PRH1: variants seen among roughly 807,000 people sequenced by gnomAD.
PRH1 encodes the protein salivary acidic proline-rich phosphoprotein 1/2.
A neutral mutation model predicts 7.9 loss-of-function variants in PRH1; 7 were observed. That is an observed-to-expected ratio of 0.89 (90% CI 0.50 to 1.67). The LOEUF (loss-of-function observed/expected upper bound fraction) is 1.67. PRH1 is among the 40% of genes most tolerant of loss of function. PRH1 has a pLI of 0.00. For missense variants in PRH1, 109 were observed against 223.6 expected, an observed-to-expected ratio of 0.49 and a Z score of 3.27; for synonymous variants, 45 against 80.8, an observed-to-expected ratio of 0.56 and a Z score of 2.38.
At chr12:10,885,768 T>A (rs567580784), upstream of PRH1, among the ~76,000 whole-genome samples, 11 of 152,336 alleles carry the variant, frequency 7.2e-5, no homozygotes, top group African/African-American at 2.4e-4. Flanking sequence ...TGTGCATGGT[T>A]AGTCTTTATT....
intron 1 of PRH1, among the ~76,000 whole-genome samples, chr12:11,130,829 T>C (rs1283437823): frequency 6.6e-6 from 1 of 152,104 alleles, no homozygotes; most frequent in African/African-American, 2.4e-5. Flanking sequence ...CAAGCCCCTA[T>C]AAGCACAAAA....
At chr12:11,033,527 C>T (rs940348931) in intron 1 of PRH1, among the ~76,000 whole-genome samples, 7 of 152,046 alleles carry the variant, frequency 4.6e-5, no homozygotes, top group African/African-American at 1.7e-4. Context: ...ATATGTACAA[C>T]CTTGTTGTGT....
chr12:10,938,426 A>G, intron 2 of PRH1: 1 of 1,614,098 alleles, frequency 6.2e-7, no homozygotes, highest in Non-Finnish European at 8.5e-7. Context: ...AAGAATAATT[A>G]GATTTTCCTC....
chr12:10,958,451 T>C (rs1386780242), intron 2 of PRH1, among the ~76,000 whole-genome samples: 1 of 152,066 alleles, frequency 6.6e-6, no homozygotes, highest in Non-Finnish European at 1.5e-5. Context: ...ACCTATCAGG[T>C]ACTCTGCTTC....
chr12:11,041,914 A>G (rs1442276309), intron 1 of PRH1, among the ~76,000 whole-genome samples: 3 of 152,184 alleles, frequency 2.0e-5, no homozygotes, highest in African/African-American at 7.2e-5. Context: ...GGAAATGGAA[A>G]ATTGCTAGAA....
intron 1 of PRH1, chr12:11,031,368 C>T: frequency 6.2e-7 from 1 of 1,601,330 alleles, no homozygotes; most frequent in Non-Finnish European, 8.5e-7. Context: ...TGTTTTAATG[C>T]TGGTGTTGTG....
intron 2 of PRH1, among the ~76,000 whole-genome samples, chr12:10,920,071 G>A (rs1950025448): frequency 6.6e-6 from 1 of 151,598 alleles, no homozygotes; most frequent in Non-Finnish European, 1.5e-5. Context: ...CTTTTTTGAT[G>A]CTTTTAGAGA....
At chr12:10,997,549 C>T (rs1159637028) in intron 1 of PRH1, 1 of 1,614,050 alleles carries the variant, frequency 6.2e-7, no homozygotes, top group Non-Finnish European at 8.5e-7. Context: ...AATTGACGAT[C>T]TTGAGCAAAT....
intron 1 of PRH1, among the ~76,000 whole-genome samples, chr12:11,088,483 G>C (rs1256776589): frequency 3.8e-5 from 4 of 105,780 alleles, no homozygotes; most frequent in African/African-American, 1.3e-4. Context: ...AAGATTCAGG[G>C]ACCTACAGCA....
intron 2 of PRH1, among the ~76,000 whole-genome samples, chr12:10,921,771 T>C (rs1404168964): frequency 1.3e-5 from 2 of 152,202 alleles, no homozygotes; most frequent in African/African-American, 4.8e-5. Context: ...GGATTTTTGT[T>C]TGTTTAGTTT....
chr12:10,967,218 C>T (rs1410272239), intron 2 of PRH1, among the ~76,000 whole-genome samples: 1 of 151,620 alleles, frequency 6.6e-6, no homozygotes, highest in African/African-American at 2.4e-5. Flanking sequence ...AAATAAAGTT[C>T]CCACTTCAAC....
chr12:11,062,383 G>A, intron 1 of PRH1: 4 of 1,371,736 alleles, frequency 2.9e-6, no homozygotes, highest in South Asian at 1.6e-5. Flanking sequence ...AATTCTATAT[G>A]CACCTGATTT....
At chr12:10,922,366 C>T (rs1315487603) in intron 2 of PRH1, among the ~76,000 whole-genome samples, 2 of 152,086 alleles carry the variant, frequency 1.3e-5, no homozygotes, top group African/African-American at 4.8e-5. Context: ...AAAGCTTTTT[C>T]GTTGCTGAGT....
chr12:10,948,340 T>C (rs1231156588), intron 2 of PRH1, among the ~76,000 whole-genome samples: 1 of 152,250 alleles, frequency 6.6e-6, no homozygotes, highest in Non-Finnish European at 1.5e-5. Flanking sequence ...ATGCTTTTTC[T>C]TTATTTTTGT....
chr12:10,932,553 T>C (rs1458673718), intron 2 of PRH1, among the ~76,000 whole-genome samples: 14 of 152,212 alleles, frequency 9.2e-5, no homozygotes, highest in Non-Finnish European at 1.5e-5. Flanking sequence ...TTCCTGATAG[T>C]CTAGTCAGCT....
At chr12:11,021,612 T>C in intron 1 of PRH1, 2 of 1,408,756 alleles carry the variant, frequency 1.4e-6, no homozygotes, top group Admixed American at 4.1e-5. Flanking sequence ...TGTTTTCTGC[T>C]AGAAGACCCA....
chr12:11,009,588 C>A (rs1444608701), intron 1 of PRH1, among the ~76,000 whole-genome samples: 5 of 151,904 alleles, frequency 3.3e-5, no homozygotes, highest in Admixed American at 1.3e-4. Context: ...TGTTAGTACT[C>A]TAGCCATGAA....
intron 2 of PRH1, among the ~76,000 whole-genome samples, chr12:10,949,310 T>C (rs948201305): frequency 2.0e-5 from 3 of 152,218 alleles, no homozygotes; most frequent in African/African-American, 7.2e-5. Flanking sequence ...CTCCTTGGGT[T>C]GACTGCATCT....
chr12:10,944,652 T>C (rs1054833224), intron 2 of PRH1, among the ~76,000 whole-genome samples: 1 of 152,220 alleles, frequency 6.6e-6, no homozygotes, highest in Non-Finnish European at 1.5e-5. Flanking sequence ...TCAAGAGGAA[T>C]GCTTCCAGCT....
Sources: gnomAD v4.1 joint callset for allele counts (sites outside exome capture counted in the v4.1 genomes callset) on GRCh38, gnomAD v4.1.1 for gene constraint, MANE v1.5 for transcripts, NCBI Gene and HGNC (gene_info 2026-07-23, HGNC 2026-07-21) for gene names.